AGAP3: variants seen among roughly 807,000 people sequenced by gnomAD.
The protein encoded by AGAP3 is ArfGAP with GTPase domain, ankyrin repeat and PH domain 3.
A neutral mutation model predicts 96.9 loss-of-function variants in AGAP3; 24 were observed. The observed-to-expected ratio is 0.25, with a 90% CI of 0.18 to 0.35. The LOEUF is 0.35. AGAP3 is among the 10% of genes least tolerant of loss of function. The probability of loss-of-function intolerance (pLI) is 1.00; values close to 1 mark genes in which losing one functional copy is unlikely to be tolerated. For synonymous variants in AGAP3, 563 were observed against 536.1 expected, an observed-to-expected ratio of 1.05 and a Z score of -0.69; for missense variants, 876 against 1,254.2, an observed-to-expected ratio of 0.70 and a Z score of 4.55.
At chr7:151,125,304 G>A (rs920118612) in intron 9 of AGAP3, among the ~76,000 whole-genome samples, 15 of 152,330 alleles carry the variant, frequency 9.8e-5, no homozygotes, top group Admixed American at 7.2e-4. Flanking sequence ...CTCACTGGTC[G>A]TCAGGGGCTG....
intron 8 of AGAP3, chr7:151,122,844 G>T: frequency 6.2e-7 from 1 of 1,609,574 alleles, no homozygotes; most frequent in Non-Finnish European, 8.5e-7. Flanking sequence ...GGGGCCGGAG[G>T]CGGGCCGGGC....
rs762703303 is a variant in AGAP3, at chr7:151,142,577, A to G, written c.2216A>G (p.Asn739Ser). 1 of 1,613,638 alleles carries G rather than the reference A, an allele frequency of 6.2e-7. No homozygotes were observed. The change falls in exon 16 of 18, where the codon AAC becomes AGC. Residue 739 changes from asparagine to serine, a missense_variant. Coordinates refer to ENST00000397238, the MANE Select transcript of AGAP3 (RefSeq NM_031946.7). The surrounding 1 kb of genome is among the most constrained non-coding windows in gnomAD (Gnocchi z 7.5). ...VMTAMGNALA[N>S]SVWEGALGGY... ...ACTGCCATGGGCAATGCCCTCGCCA[A>G]CAGCGTCTGGGAGGGGGCCTTGGGT...
chr7:151,116,757 ACCCTGG>A, intron 1 of AGAP3, 30 bp from the exon 2 acceptor site: 1 of 1,612,904 alleles, frequency 6.2e-7, no homozygotes. Flanking sequence ...TGTGTGTGCC[ACCCTGG>A]CCCTGACGGG....
At chr7:151,131,013 C>T (rs1213698007) in intron 10 of AGAP3, 1 of 152,294 alleles carries the variant, frequency 6.6e-6, no homozygotes, top group East Asian at 1.9e-4. Flanking sequence ...GAGGAAGGAG[C>T]TCCGGCAACT....
At position 151,139,928 on chromosome 7, in the gene AGAP3, C is replaced by T. The variant is rs1461039860; in HGVS notation, c.1667-51C>T. ...CTCCTCCCAGTGCCCTGCGCCCCTC[C>T]CCTCCTCTGCCTCCCTTCTTCCCAC... is the stretch of plus-strand genomic sequence containing the variant. On this transcript the variant is annotated intron_variant, in intron 12 of 17. Coordinates refer to ENST00000397238, the MANE Select transcript of AGAP3 (RefSeq NM_031946.7). This position sits in a 1 kb window ranked among gnomAD's most constrained non-coding sequence, Gnocchi z 4.9. The T allele has an allele frequency of 6.2e-6, 9 of 1,442,818 alleles. No homozygotes were observed. The highest frequency in any genetic ancestry group is 8.2e-6 in the Non-Finnish European group (9 of 1,092,076). The allele number at this position is 1,442,818 out of a possible 1,614,324, so 89.4% of individuals were successfully genotyped here. A position where few individuals can be genotyped will look rare whatever the true frequency, so the allele number is the denominator to read the frequency against.
intron 8 of AGAP3, chr7:151,122,888 G>C: frequency 6.5e-7 from 1 of 1,542,792 alleles, no homozygotes; most frequent in East Asian, 2.3e-5. Flanking sequence ...AGCGGCCGCC[G>C]AGCTCCCCAC....
At chr7:151,093,162 G>T (rs1332627199) in intron 1 of AGAP3, among the ~76,000 whole-genome samples, 1 of 152,164 alleles carries the variant, frequency 6.6e-6, no homozygotes, top group Non-Finnish European at 1.5e-5. Context: ...TATTTTTGGA[G>T]ACAGGGTCTC....
chr7:151,087,165 C>A lies in AGAP3; in HGVS notation c.331+93C>A, dbSNP rs757490441. On this transcript the variant is annotated intron_variant, in intron 1 of 17. Transcript: ENST00000397238. Reference sequence around the variant, plus strand: ...CAGGCCGTGCCTGGCCATGCTCTCCCTGTCGGGGGTCCTTGCGCGCTTGAG... The same window carrying A: ...CAGGCCGTGCCTGGCCATGCTCTCCATGTCGGGGGTCCTTGCGCGCTTGAG... 3.3e-5 allele frequency: 45 copies of A among 1,361,096 alleles called. No homozygotes were observed. In the African/African-American group the frequency reaches 6.2e-4, roughly 19 times the overall value. 84.3% of individuals were successfully genotyped at this position (1,361,096 alleles called of 1,614,324 possible). A position where few individuals can be genotyped will look rare whatever the true frequency, so the allele number is the denominator to read the frequency against.
chr7:151,117,005 C>G, intron 2 of AGAP3, 90 bp from the exon 3 acceptor site: 2 of 1,490,712 alleles, frequency 1.3e-6, no homozygotes, highest in South Asian at 2.3e-5. Flanking sequence ...CCTGGCCTTT[C>G]TCCCTCCTGC....
intron 11 of AGAP3, among the ~76,000 whole-genome samples, chr7:151,137,075 G>A (rs1800622536): frequency 6.6e-6 from 1 of 152,228 alleles, no homozygotes; most frequent in South Asian, 2.1e-4. Context: ...CCCTGCCTTT[G>A]GGCGTCTCCC....
intron 11 of AGAP3, 131 bp from the exon 12 acceptor site, chr7:151,138,012 C>G (rs933213868): frequency 1.1e-4 from 85 of 743,756 alleles, no homozygotes; most frequent in Admixed American, 4.9e-4. Context: ...GAAGCTGGCC[C>G]GCCACCTGAT....
At chr7:151,103,577 A>G (rs2150427841) in intron 1 of AGAP3, among the ~76,000 whole-genome samples, 1 of 152,264 alleles carries the variant, frequency 6.6e-6, no homozygotes, top group Admixed American at 6.5e-5. Flanking sequence ...TTGTAGACAC[A>G]CTGACACATC....
At chr7:151,125,717 C>CCGTT (rs1205889994) in intron 9 of AGAP3, among the ~76,000 whole-genome samples, 1 of 152,252 alleles carries the variant, frequency 6.6e-6, no homozygotes, top group Non-Finnish European at 1.5e-5. Context: ...CCCTCCTGTC[C>CCGTT]CGTTCTCCCG....
chr7:151,098,615 C>T (rs1798705101), intron 1 of AGAP3, among the ~76,000 whole-genome samples: 2 of 152,276 alleles, frequency 1.3e-5, no homozygotes, highest in African/African-American at 4.8e-5. Flanking sequence ...CACACCACTA[C>T]ACTCCAGCCT....
intron 1 of AGAP3, among the ~76,000 whole-genome samples, chr7:151,110,183 C>T (rs1799223068): frequency 6.6e-6 from 1 of 152,222 alleles, no homozygotes; most frequent in Non-Finnish European, 1.5e-5. Flanking sequence ...GGCCTTCCTC[C>T]CCACAAAGAG....
intron 10 of AGAP3, 38 bp downstream of exon 10, chr7:151,128,722 G>A (rs1322130338): frequency 1.6e-5 from 24 of 1,542,086 alleles, no homozygotes; most frequent in Non-Finnish European, 2.0e-5. Context: ...GGGAGTATGG[G>A]GAGGGGGTGG....
At position 151,142,102 on chromosome 7, in the gene AGAP3, C is replaced by T. The variant is rs1227819977; in HGVS notation, c.1959+50C>T. On this transcript the variant is annotated intron_variant, in intron 14 of 17. Coordinates refer to ENST00000397238, the MANE Select transcript of AGAP3 (RefSeq NM_031946.7). The surrounding 1 kb of genome is among the most constrained non-coding windows in gnomAD (Gnocchi z 7.5). ...CACAGAGCACCTGGCTGGGGTGGGACTGAAAGGGGCCTCATGACTGACCAA... is the reference window on the plus strand; with the variant it reads ...CACAGAGCACCTGGCTGGGGTGGGATTGAAAGGGGCCTCATGACTGACCAA... 4.4e-6 allele frequency: 7 copies of T among 1,607,146 alleles called. No individual in the cohort carries two copies. The highest frequency in any genetic ancestry group is 2.7e-5 in the African/African-American group (2 of 74,810).
intron 1 of AGAP3, among the ~76,000 whole-genome samples, chr7:151,088,863 G>T (rs1798263100): frequency 6.6e-6 from 1 of 152,106 alleles, no homozygotes; most frequent in Middle Eastern, 3.2e-3. Context: ...CCCTCCTAGA[G>T]CCCTCCCCTG....
chr7:151,113,863 G>A (rs1375916506), intron 1 of AGAP3, among the ~76,000 whole-genome samples: 1 of 152,180 alleles, frequency 6.6e-6, no homozygotes, highest in East Asian at 1.9e-4. Context: ...GAAGGGCCTC[G>A]GAGCTTGGAG....
Sources: gnomAD v4.1 joint callset for allele counts (sites outside exome capture counted in the v4.1 genomes callset) on GRCh38, gnomAD v4.1.1 for gene constraint, Gnocchi (gnomAD v3.1) non-coding constraint, MANE v1.5 for transcripts, NCBI Gene and HGNC (gene_info 2026-07-23, HGNC 2026-07-21) for gene names.